The following CPPED1 variants were observed in gnomAD, a reference collection of about 807,000 sequenced individuals.
CPPED1 encodes serine/threonine-protein phosphatase CPPED1.
Under a neutral mutation model 28.0 loss-of-function variants are expected in CPPED1, and 28 were observed. The observed-to-expected ratio is 1.00, with a 90% CI of 0.74 to 1.37. The LOEUF is 1.37. Among genes scored for constraint, CPPED1 ranks in the 40% most tolerant of loss-of-function variants. The pLI is 0.00. For synonymous variants in CPPED1, 198 were observed against 180.2 expected, an observed-to-expected ratio of 1.10 and a Z score of -0.79; for missense variants, 504 against 416.5, an observed-to-expected ratio of 1.21 and a Z score of -1.83.
At chr16:12,799,938 G>A (rs1185117261) in intron 1 of CPPED1, among the ~76,000 whole-genome samples, 1 of 152,152 alleles carries the variant, frequency 6.6e-6, no homozygotes, top group Non-Finnish European at 1.5e-5. Context: ...CCTATCAGCA[G>A]GGTAGGTATC....
Position 12,731,731 on chromosome 16 carries a change from T to TG in CPPED1, c.290-26683_290-26682insC, listed in dbSNP as rs538396694. ...GCTGTACTCTTTTTCATTCTTTTTT[T>TG]TTTTTAAATTGCACTTTTAAATGGA... is the stretch of plus-strand genomic sequence containing the variant. On this transcript the variant is annotated intron_variant, in intron 2 of 3. Coordinates refer to ENST00000381774, the MANE Select transcript of CPPED1 (RefSeq NM_018340.3). Among the ~76,000 whole-genome samples, 800 of 151,772 alleles carry TG rather than the reference T, an allele frequency of 5.3e-3. 8 individuals carry two copies. The highest frequency in any genetic ancestry group is 0.019 in the African/African-American group (773 of 41,464).
chr16:12,673,586 T>C (rs559421566), intron 3 of CPPED1, among the ~76,000 whole-genome samples: 4 of 152,286 alleles, frequency 2.6e-5, no homozygotes, highest in African/African-American at 9.6e-5. Context: ...AGAGGACCTC[T>C]CAGAGCGGGT....
rs1249384699 is a variant in CPPED1 at position 12,660,764 on chromosome 16, C to T, written c.*4122G>A. 6.6e-6 allele frequency: 1 copy of T among 152,134 alleles called. No homozygotes were observed. Among genetic ancestry groups the T allele is most frequent in the African/African-American group, 2.4e-5 (1 of 41,418 alleles). The allele number at this position is 152,134 out of a possible 1,614,324, so 9.4% of individuals were successfully genotyped here. On this transcript the variant is annotated 3_prime_UTR_variant, in exon 4 of 4. Transcript: ENST00000381774. ...CTCCAGCTCAATATAATATTGCTAC[C>T]TAATATTGTGACTGCACAAAACCAT...
In CPPED1 at chr16:12,664,621, A is replaced by G. The variant is rs1183614408; in HGVS notation, c.*265T>C. On this transcript the variant is annotated 3_prime_UTR_variant, in exon 4 of 4. Coordinates refer to ENST00000381774, the MANE Select transcript of CPPED1 (RefSeq NM_018340.3). The surrounding 1 kb of genome is among the most constrained non-coding windows in gnomAD (Gnocchi z 4.2). The stretch of plus-strand genomic sequence containing the variant: ...AGTTGAGAAACACAGCATTAGGAGA[A>G]TTTATTCAAACATCCATGCAGAGAT... The G allele has an allele frequency of 5.5e-6, 7 of 1,263,726 alleles. No individual in the cohort carries two copies. Among genetic ancestry groups the G allele is most frequent in the Non-Finnish European group, 5.0e-6 (5 of 1,006,908 alleles). 78.3% of individuals were successfully genotyped at this position (1,263,726 alleles called of 1,614,324 possible). A position where few individuals can be genotyped will look rare whatever the true frequency, so the allele number is the denominator to read the frequency against.
chr16:12,697,192 T>A (rs561926839), intron 3 of CPPED1, among the ~76,000 whole-genome samples: 2 of 152,126 alleles, frequency 1.3e-5, no homozygotes, highest in Non-Finnish European at 2.9e-5. Context: ...GCTTGGCTAA[T>A]TTTTGTATTT....
At chr16:12,793,119 C>T (rs2080606445) in intron 1 of CPPED1, among the ~76,000 whole-genome samples, 1 of 152,198 alleles carries the variant, frequency 6.6e-6, no homozygotes, top group African/African-American at 2.4e-5. Flanking sequence ...AGTGGTTGGA[C>T]ATTCAACAGT....
chr16:12,733,436 G>A (rs148546913), intron 2 of CPPED1, among the ~76,000 whole-genome samples: 8 of 152,016 alleles, frequency 5.3e-5, no homozygotes, highest in Non-Finnish European at 1.2e-4. Context: ...CACCACATTC[G>A]GCTAATTTTT....
chr16:12,803,239 A>G (rs1165659257), intron 1 of CPPED1, among the ~76,000 whole-genome samples: 1 of 152,202 alleles, frequency 6.6e-6, no homozygotes, highest in Non-Finnish European at 1.5e-5. Flanking sequence ...TGACTTAAAT[A>G]AACGTCATTA....
intron 1 of CPPED1, among the ~76,000 whole-genome samples, chr16:12,795,349 C>CAT (rs1555492303): frequency 6.7e-6 from 1 of 148,306 alleles, no homozygotes; most frequent in Non-Finnish European, 1.5e-5. Context: ...AGTCATGCAA[C>CAT]TTTTTTTTTT....
intron 2 of CPPED1, among the ~76,000 whole-genome samples, chr16:12,708,690 G>A (rs140876538): frequency 5.9e-5 from 9 of 152,328 alleles, no homozygotes; most frequent in African/African-American, 1.9e-4. Context: ...GCTCTCATTT[G>A]CATGTAACAG....
chr16:12,706,855 A>T (rs2080054178), intron 2 of CPPED1, among the ~76,000 whole-genome samples: 1 of 152,170 alleles, frequency 6.6e-6, no homozygotes, highest in Non-Finnish European at 1.5e-5. Flanking sequence ...TCCCGAGCCC[A>T]TTCCACTGGT....
At chr16:12,689,318 A>C (rs12930551) in intron 3 of CPPED1, among the ~76,000 whole-genome samples, 3,721 of 139,802 alleles carry the variant, frequency 0.027, 165 homozygotes, top group African/African-American at 0.094. Flanking sequence ...CCTCGAATTT[A>C]TGGGCTCAAG....
intron 2 of CPPED1, among the ~76,000 whole-genome samples, chr16:12,722,610 C>T (rs550769493): frequency 6.6e-6 from 1 of 152,250 alleles, no homozygotes; most frequent in East Asian, 1.9e-4. Flanking sequence ...GTGGTGTGCA[C>T]CTGTAGTCCC....
At chr16:12,742,666 T>C (rs1057293793) in intron 2 of CPPED1, among the ~76,000 whole-genome samples, 1 of 152,136 alleles carries the variant, frequency 6.6e-6, no homozygotes, top group African/African-American at 2.4e-5. Flanking sequence ...GATGAAGACA[T>C]GAATGTTCAA....
In CPPED1 at chr16:12,670,738, G is replaced by A. The variant is rs2079848948; in HGVS notation, c.716-5623C>T. Among the ~76,000 whole-genome samples, 1 of 152,120 alleles carries A rather than the reference G, an allele frequency of 6.6e-6. No individual in the cohort carries two copies. The highest frequency in any genetic ancestry group is 2.4e-5 in the African/African-American group (1 of 41,424). On this transcript the variant is annotated intron_variant, in intron 3 of 3. Coordinates refer to ENST00000381774, the MANE Select transcript of CPPED1 (RefSeq NM_018340.3). This position sits in a 1 kb window ranked among gnomAD's most constrained non-coding sequence, Gnocchi z 4.2. ...TACCTGACCAGCACTCCTCAAAACT[G>A]TCATCAAAAACAAGGAATGAGTGAG...
At chr16:12,778,621 A>C (rs770309189) in intron 2 of CPPED1, among the ~76,000 whole-genome samples, 1 of 152,196 alleles carries the variant, frequency 6.6e-6, no homozygotes, top group Non-Finnish European at 1.5e-5. Context: ...ATGCTTTCTG[A>C]TTTTATTTGC....
At chr16:12,685,918 C>T (rs1227631029) in intron 3 of CPPED1, among the ~76,000 whole-genome samples, 3 of 152,180 alleles carry the variant, frequency 2.0e-5, no homozygotes, top group Non-Finnish European at 2.9e-5. Flanking sequence ...ATGAATGTGA[C>T]GTGCAGAATT....
chr16:12,668,762 C>A (rs567725016), intron 3 of CPPED1, among the ~76,000 whole-genome samples: 1 of 152,174 alleles, frequency 6.6e-6, no homozygotes, highest in African/African-American at 2.4e-5. Context: ...TAGGGAAATG[C>A]GATTAGCGAC....
intron 2 of CPPED1, chr16:12,757,878 C>G (rs1011570820): frequency 2.0e-5 from 3 of 151,042 alleles, no homozygotes; most frequent in African/African-American, 7.3e-5. Flanking sequence ...TGAGAGATAG[C>G]TACAGCTGCT....
Sources: allele counts gnomAD v4.1 joint callset (sites outside exome capture counted in the v4.1 genomes callset), GRCh38; gene constraint gnomAD v4.1.1; non-coding constraint Gnocchi (gnomAD v3.1); transcripts MANE v1.5; gene names NCBI Gene and HGNC (gene_info 2026-07-23, HGNC 2026-07-21).